FBXL7: variants seen among roughly 807,000 people sequenced by gnomAD.
The protein encoded by FBXL7 is F-box and leucine rich repeat protein 7.
Under a neutral mutation model 38.3 loss-of-function variants are expected in FBXL7, and 12 were observed. That is an observed-to-expected ratio of 0.31 (90% CI 0.20 to 0.51). The LOEUF (loss-of-function observed/expected upper bound fraction) is 0.51, where lower values mean the gene tolerates loss of function less well. FBXL7 is among the 20% of genes least tolerant of loss of function. FBXL7 has a pLI of 0.98. For synonymous variants in FBXL7, 297 were observed against 300.9 expected (o/e 0.99, Z 0.13); for missense variants, 567 against 676.4 (o/e 0.84, Z 1.79).
intron 1 of FBXL7, among the ~76,000 whole-genome samples, chr5:15,585,684 C>T (rs151070898): frequency 1.4e-4 from 21 of 152,316 alleles, no homozygotes; most frequent in African/African-American, 4.8e-4. Context: ...ATACCATTAA[C>T]TCTAACTCCA....
rs116530673 is a variant in FBXL7 at position 15,802,086 on chromosome 5, C to T, written c.128-125804C>T. Among the ~76,000 whole-genome samples, 727 of 152,248 alleles carry T rather than the reference C, an allele frequency of 4.8e-3. 2 individuals carry two copies. Among genetic ancestry groups the T allele is most frequent in the Non-Finnish European group, 8.1e-3 (550 of 68,030 alleles). On this transcript the variant is annotated intron_variant, in intron 2 of 3. Coordinates refer to ENST00000504595, the MANE Select transcript of FBXL7 (RefSeq NM_012304.5). ...ATTCTCACCTTTTCCTCACACCTCC[C>T]ATCCCGTTCATCAACAAGCCCACTT...
intron 2 of FBXL7, among the ~76,000 whole-genome samples, chr5:15,642,526 C>T (rs368053569): frequency 1.3e-5 from 2 of 152,178 alleles, no homozygotes; most frequent in South Asian, 2.1e-4. Context: ...AATTTATAGT[C>T]CATGAAACCT....
intron 2 of FBXL7, among the ~76,000 whole-genome samples, chr5:15,700,583 T>A (rs996405060): frequency 6.6e-6 from 1 of 152,234 alleles, no homozygotes; most frequent in African/African-American, 2.4e-5. Context: ...TCTTTAGCCC[T>A]TTCCTCAGCA....
chr5:15,839,138 T>C (rs1458961403), intron 2 of FBXL7, among the ~76,000 whole-genome samples: 2 of 151,938 alleles, frequency 1.3e-5, no homozygotes, highest in Non-Finnish European at 2.9e-5. Context: ...GTACTTAGAT[T>C]CTGAGTACTA....
At chr5:15,771,694 T>C (rs1458532308) in intron 2 of FBXL7, among the ~76,000 whole-genome samples, 3 of 151,980 alleles carry the variant, frequency 2.0e-5, no homozygotes, top group African/African-American at 4.8e-5. Flanking sequence ...AAATGTTTGC[T>C]ACCTCTTTGA....
intron 1 of FBXL7, among the ~76,000 whole-genome samples, chr5:15,613,234 AT>A (rs1478533656): frequency 6.6e-6 from 1 of 152,192 alleles, no homozygotes; most frequent in Admixed American, 6.5e-5. Flanking sequence ...TTTTCCAGAA[AT>A]TTCCCCTACC....
chr5:15,616,116 C>A, intron 2 of FBXL7, 44 bp downstream of exon 2: 1 of 1,407,956 alleles, frequency 7.1e-7, no homozygotes, highest in Non-Finnish European at 1.0e-6. Flanking sequence ...CTTCACAGGG[C>A]TGGCTATTTT....
intron 2 of FBXL7, among the ~76,000 whole-genome samples, chr5:15,707,569 G>A (rs1159072414): frequency 6.6e-6 from 1 of 152,160 alleles, no homozygotes; most frequent in Non-Finnish European, 1.5e-5. Context: ...TTGAAGCCAG[G>A]AACTTTGTGA....
chr5:15,760,937 C>T (rs1335616085), intron 2 of FBXL7, among the ~76,000 whole-genome samples: 2 of 146,900 alleles, frequency 1.4e-5, no homozygotes, highest in Admixed American at 1.4e-4. Flanking sequence ...AAGAATGAGA[C>T]AGAAAAAAAA....
At chr5:15,566,521 C>G (rs577353895) in intron 1 of FBXL7, among the ~76,000 whole-genome samples, 154 of 152,184 alleles carry the variant, frequency 1.0e-3, no homozygotes, top group African/African-American at 3.5e-3. Context: ...GGCGTGATTG[C>G]AGGGGACATG....
chr5:15,797,801 C>G (rs1028698555), intron 2 of FBXL7, among the ~76,000 whole-genome samples: 1 of 109,856 alleles, frequency 9.1e-6, no homozygotes, highest in African/African-American at 2.5e-5. Flanking sequence ...ACAATTTAGA[C>G]GAGAAATTTG....
At chr5:15,576,446 C>T (rs575446587) in intron 1 of FBXL7, among the ~76,000 whole-genome samples, 1 of 152,092 alleles carries the variant, frequency 6.6e-6, no homozygotes, top group South Asian at 2.1e-4. Flanking sequence ...AAGCACTTTC[C>T]CAGAATATGA....
chr5:15,617,344 G>A (rs1418651893), intron 2 of FBXL7, among the ~76,000 whole-genome samples: 2 of 152,178 alleles, frequency 1.3e-5, no homozygotes. Flanking sequence ...TTTTCTGCCT[G>A]TTAATTCAGG....
At chr5:15,818,743 T>TGTGTGAGA (rs1394101097) in intron 2 of FBXL7, among the ~76,000 whole-genome samples, 9 of 39,464 alleles carry the variant, frequency 2.3e-4, no homozygotes, top group East Asian at 1.5e-3. Flanking sequence ...TGTGTGTGTG[T>TGTGTGAGA]GAGAGAGAGA....
chr5:15,711,284 C>T (rs1377735103), intron 2 of FBXL7, among the ~76,000 whole-genome samples: 2 of 152,200 alleles, frequency 1.3e-5, no homozygotes, highest in African/African-American at 4.8e-5. Context: ...TCCTGGCTTG[C>T]AGCTGCAACT....
At chr5:15,851,428 G>C (rs1031214763) in intron 2 of FBXL7, among the ~76,000 whole-genome samples, 4 of 152,074 alleles carry the variant, frequency 2.6e-5, no homozygotes, top group Non-Finnish European at 5.9e-5. Context: ...TTCTCTTCTT[G>C]TCCGCCAACA....
Position 15,856,268 on chromosome 5 carries a change from A to G in FBXL7, c.128-71622A>G, listed in dbSNP as rs1579525258. 2.6e-5 allele frequency among the ~76,000 whole-genome samples: 4 copies of G among 152,216 alleles called. No homozygotes were observed. The South Asian group carries it at 8.3e-4, about 32-fold the overall frequency. On this transcript the variant is annotated intron_variant, in intron 2 of 3. Transcript: ENST00000504595. ...ACAGTATCATGGGGAAACCGACCCC[A>G]TGATTCAAATTATTTCCCACCTGGT... is the stretch of plus-strand genomic sequence containing the variant.
chr5:15,675,871 C>T (rs540712546), intron 2 of FBXL7, among the ~76,000 whole-genome samples: 1 of 152,234 alleles, frequency 6.6e-6, no homozygotes, highest in East Asian at 1.9e-4. Context: ...TATTTTTCTT[C>T]TCTTTTTGAG....
At chr5:15,879,135 T>C (rs1740336086) in intron 2 of FBXL7, among the ~76,000 whole-genome samples, 1 of 152,198 alleles carries the variant, frequency 6.6e-6, no homozygotes, top group African/African-American at 2.4e-5. Flanking sequence ...CTTCTAGAAG[T>C]TCATCTTTTT....
Sources: gnomAD v4.1 joint callset for allele counts (sites outside exome capture counted in the v4.1 genomes callset) on GRCh38, gnomAD v4.1.1 for gene constraint, MANE v1.5 for transcripts, NCBI Gene and HGNC (gene_info 2026-07-23, HGNC 2026-07-21) for gene names.